The following CRYZ variants were observed in gnomAD, a reference collection of about 807,000 sequenced individuals.
The protein encoded by CRYZ is zeta-crystallin.
Under a neutral mutation model 34.1 loss-of-function variants are expected in CRYZ, and 35 were observed. The observed-to-expected ratio is 1.03, with a 90% CI of 0.78 to 1.36. The LOEUF (loss-of-function observed/expected upper bound fraction) is 1.36, where lower values mean the gene tolerates loss of function less well. CRYZ is among the 40% of genes most tolerant of loss of function. The pLI is 0.00. For missense variants in CRYZ, 403 were observed against 391.8 expected, an observed-to-expected ratio of 1.03 and a Z score of -0.24; for synonymous variants, 137 against 136.5, an observed-to-expected ratio of 1.00 and a Z score of -0.03.
chr1:74,708,984 T>C (rs567587585), intron 6 of CRYZ, among the ~76,000 whole-genome samples: 36 of 152,184 alleles, frequency 2.4e-4, no homozygotes, highest in African/African-American at 7.7e-4. Flanking sequence ...AGATGAAGAC[T>C]GAAAGAAGAC....
chr1:74,722,790 C>G (rs897093869), intron 3 of CRYZ, among the ~76,000 whole-genome samples: 5 of 152,014 alleles, frequency 3.3e-5, no homozygotes, highest in Non-Finnish European at 5.9e-5. Context: ...GCTTATGTAT[C>G]ATCAAGAGTT....
chr1:74,723,661 T>A (rs929636844), intron 2 of CRYZ, among the ~76,000 whole-genome samples: 8 of 152,148 alleles, frequency 5.3e-5, no homozygotes, highest in African/African-American at 1.2e-4. Flanking sequence ...AAAGTGACAG[T>A]AGACACTTGC....
Position 74,732,985 on chromosome 1 carries a change from G to C in CRYZ, c.-43C>G, listed in dbSNP as rs1195302483. ...ATCTAGAGTGGGAATTAAAATCTGC[G>C]TGGGCTTCTTCAGATTCCACAGAAA... is the stretch of plus-strand genomic sequence containing the variant. On this transcript the variant is annotated 5_prime_UTR_variant, in exon 1 of 9. Coordinates refer to ENST00000340866, the MANE Select transcript of CRYZ (RefSeq NM_001889.4). 8.3e-6 allele frequency: 4 copies of C among 482,760 alleles called. No individual in the cohort carries two copies. The highest frequency in any genetic ancestry group is 1.5e-5 in the Non-Finnish European group (4 of 274,126). The allele number at this position is 482,760 out of a possible 1,614,324, so 29.9% of individuals were successfully genotyped here. A position where few individuals can be genotyped will look rare whatever the true frequency, so the allele number is the denominator to read the frequency against.
In CRYZ at chr1:74,720,757, T is replaced by C. The variant is rs1647149172; in HGVS notation, c.265-1385A>G. On this transcript the variant is annotated intron_variant, in intron 3 of 8. Transcript: ENST00000340866. The stretch of plus-strand genomic sequence containing the variant: ...ACAGCTAAAAAACATGTTGAATTGA[T>C]TTCAATATAATTCAAACATTTACTG... Among the ~76,000 whole-genome samples the C allele has an allele frequency of 1.3e-5, 2 of 152,130 alleles. 1 individual carries two copies. The highest frequency in any genetic ancestry group is 1.3e-4 in the Admixed American group (2 of 15,250).
At chr1:74,715,340 G>A (rs1399589194) in intron 4 of CRYZ, among the ~76,000 whole-genome samples, 1 of 152,204 alleles carries the variant, frequency 6.6e-6, no homozygotes, top group African/African-American at 2.4e-5. Flanking sequence ...CAAGGCATGA[G>A]GGGATGCCTC....
chr1:74,712,729 A>G (rs1647022084), intron 5 of CRYZ, among the ~76,000 whole-genome samples: 1 of 152,232 alleles, frequency 6.6e-6, no homozygotes, highest in Non-Finnish European at 1.5e-5. Flanking sequence ...AAATTTAAAT[A>G]AAAGACCTCT....
chr1:74,721,237 T>C (rs1297802459), intron 3 of CRYZ, among the ~76,000 whole-genome samples: 1 of 152,202 alleles, frequency 6.6e-6, no homozygotes, highest in African/African-American at 2.4e-5. Flanking sequence ...TTTGAATCCA[T>C]GTTTGTAAGT....
intron 4 of CRYZ, among the ~76,000 whole-genome samples, chr1:74,716,924 T>A (rs187147825): frequency 2.8e-4 from 42 of 152,302 alleles, no homozygotes; most frequent in African/African-American, 7.2e-4. Flanking sequence ...AATGGCTAAG[T>A]ATTACAGAAA....
chr1:74,730,346 C>G (rs1647644424), intron 1 of CRYZ: 1 of 152,230 alleles, frequency 6.6e-6, no homozygotes. Flanking sequence ...TCTGATTCAT[C>G]AGGCTCCAAC....
At chr1:74,727,356 G>A (rs1647404532) in intron 1 of CRYZ, among the ~76,000 whole-genome samples, 1 of 149,064 alleles carries the variant, frequency 6.7e-6, no homozygotes, top group African/African-American at 2.5e-5. Flanking sequence ...CTTGCATGGT[G>A]GCAGACAAGA....
rs539036642 is a variant in CRYZ, at chr1:74,727,827, C to T, written c.-13-2993G>A. Reference sequence around the variant, plus strand: ...TGGCGACAGAGCCAAATGATATTACCCAGCTTTAACAAATCTTAACATTTA... The same window carrying T: ...TGGCGACAGAGCCAAATGATATTACTCAGCTTTAACAAATCTTAACATTTA... On this transcript the variant is annotated intron_variant, in intron 1 of 8. Coordinates refer to ENST00000340866, the MANE Select transcript of CRYZ (RefSeq NM_001889.4). Among the ~76,000 whole-genome samples the T allele has an allele frequency of 9.9e-5, 15 of 152,106 alleles. No homozygotes were observed. In the South Asian group the frequency reaches 2.7e-3, roughly 27 times the overall value.
chr1:74,728,114 CA>C (rs1180024800), intron 1 of CRYZ, among the ~76,000 whole-genome samples: 88 of 152,320 alleles, frequency 5.8e-4, no homozygotes, highest in African/African-American at 2.0e-3. Flanking sequence ...AAGAATTCTA[CA>C]ATTCGCTATT....
intron 1 of CRYZ, among the ~76,000 whole-genome samples, chr1:74,731,038 C>T (rs761505810): frequency 6.6e-6 from 1 of 152,146 alleles, no homozygotes; most frequent in Non-Finnish European, 1.5e-5. Flanking sequence ...CTTTCCATTG[C>T]TTGTGCTTTT....
rs140961644 is a variant in CRYZ, at chr1:74,715,996, A to G, written c.429-1366T>C. Among the ~76,000 whole-genome samples the G allele has an allele frequency of 3.5e-3, 531 of 151,416 alleles. 1 individual carries two copies. Among genetic ancestry groups the G allele is most frequent in the Non-Finnish European group, 5.3e-3 (363 of 67,940 alleles). Reference sequence around the variant, plus strand: ...ACCCTCTAGAATGTGGGTGGGCCTCATCCAATCAGTTGAAGGCTTTTGTTT... The same window carrying G: ...ACCCTCTAGAATGTGGGTGGGCCTCGTCCAATCAGTTGAAGGCTTTTGTTT... On this transcript the variant is annotated intron_variant, in intron 4 of 8. Transcript: ENST00000340866.
At chr1:74,719,495 A>G in intron 3 of CRYZ, 123 bp from the exon 4 acceptor site, 1 of 898,558 alleles carries the variant, frequency 1.1e-6, no homozygotes, top group Non-Finnish European at 1.6e-6. Context: ...GGTCTCATAT[A>G]AATAATTTTT....
At chr1:74,716,071 C>G (rs1647068946) in intron 4 of CRYZ, among the ~76,000 whole-genome samples, 1 of 152,074 alleles carries the variant, frequency 6.6e-6, no homozygotes. Context: ...AGCAAACTTT[C>G]TATGGACTTA....
intron 2 of CRYZ, among the ~76,000 whole-genome samples, chr1:74,724,277 TGTA>T (rs1440379679): frequency 6.6e-6 from 1 of 152,214 alleles, no homozygotes; most frequent in African/African-American, 2.4e-5. Flanking sequence ...AAATCAAAAG[TGTA>T]TTGTTAAAGT....
At chr1:74,724,348 T>A (rs1647228549) in intron 2 of CRYZ, among the ~76,000 whole-genome samples, 1 of 152,126 alleles carries the variant, frequency 6.6e-6, no homozygotes, top group Non-Finnish European at 1.5e-5. Flanking sequence ...TGAAAAAGCA[T>A]GAATGCAAAA....
intron 2 of CRYZ, 105 bp from the exon 3 acceptor site, chr1:74,723,375 G>A: frequency 9.5e-7 from 1 of 1,053,122 alleles, no homozygotes; most frequent in Non-Finnish European, 1.4e-6. Flanking sequence ...GGAGACAAAA[G>A]CAAAACAAAT....
Sources: allele counts gnomAD v4.1 joint callset (sites outside exome capture counted in the v4.1 genomes callset), GRCh38; gene constraint gnomAD v4.1.1; transcripts MANE v1.5; gene names NCBI Gene and HGNC (gene_info 2026-07-23, HGNC 2026-07-21).